GRIK4: variants seen among roughly 807,000 people sequenced by gnomAD.
The protein encoded by GRIK4 is glutamate receptor ionotropic, kainate 4.
Under a neutral mutation model 104.9 loss-of-function variants are expected in GRIK4, and 40 were observed. That is an observed-to-expected ratio of 0.38 (90% CI 0.30 to 0.50). The LOEUF (loss-of-function observed/expected upper bound fraction) is 0.50, where lower values mean the gene tolerates loss of function less well. GRIK4 is among the 20% of genes least tolerant of loss of function. The pLI, the probability that GRIK4 is intolerant of heterozygous loss-of-function variation, is 0.93. For synonymous variants in GRIK4, 485 were observed against 524.9 expected, an observed-to-expected ratio of 0.92 and a Z score of 1.04; for missense variants, 1,047 against 1,308.1, an observed-to-expected ratio of 0.80 and a Z score of 3.08.
chr11:120,637,486 A>G (rs1288994535), intron 1 of GRIK4, among the ~76,000 whole-genome samples: 2 of 152,132 alleles, frequency 1.3e-5, no homozygotes, highest in Non-Finnish European at 2.9e-5. Context: ...TGCATAACAA[A>G]TGTGCTGTAA....
intron 1 of GRIK4, among the ~76,000 whole-genome samples, chr11:120,591,302 A>G (rs1948729639): frequency 6.6e-6 from 1 of 151,820 alleles, no homozygotes; most frequent in South Asian, 2.1e-4. Context: ...GGGCTGGTGG[A>G]TGCCCCTTGA....
chr11:120,969,705 C>G (rs1318618101), intron 19 of GRIK4, among the ~76,000 whole-genome samples: 1 of 152,168 alleles, frequency 6.6e-6, no homozygotes, highest in African/African-American at 2.4e-5. Flanking sequence ...AGCGCCGTCT[C>G]TCCTCCATCT....
intron 3 of GRIK4, among the ~76,000 whole-genome samples, chr11:120,776,474 G>T (rs752557408): frequency 6.6e-5 from 10 of 152,240 alleles, no homozygotes; most frequent in Non-Finnish European, 1.5e-4. Flanking sequence ...CTCCATGTCT[G>T]CTGCAGTCTT....
chr11:120,665,031 GT>G (rs1388689081), intron 3 of GRIK4, among the ~76,000 whole-genome samples: 3 of 151,994 alleles, frequency 2.0e-5, no homozygotes, highest in Non-Finnish European at 4.4e-5. Context: ...TACTTAGTTG[GT>G]TTCCCCCCAA....
intron 3 of GRIK4, among the ~76,000 whole-genome samples, chr11:120,737,634 C>A (rs1951249454): frequency 6.6e-6 from 1 of 152,022 alleles, no homozygotes; most frequent in South Asian, 2.1e-4. Flanking sequence ...AGTTAGAAGA[C>A]ATAAAGTTTC....
intron 8 of GRIK4, among the ~76,000 whole-genome samples, chr11:120,859,692 A>G (rs546455233): frequency 1.7e-4 from 26 of 152,344 alleles, no homozygotes; most frequent in African/African-American, 6.3e-4. Context: ...TCCATTAGCC[A>G]TCTGCCCCCT....
At position 120,986,018 on chromosome 11, in the gene GRIK4, G is replaced by T. The variant is rs753094047; in HGVS notation, c.2629G>T (p.Glu877Ter). 1.3e-6 allele frequency: 2 copies of T among 1,526,652 alleles called. No homozygotes were observed. The highest frequency in any genetic ancestry group is 1.2e-5 in the South Asian group (1 of 81,990). The allele number at this position is 1,526,652 out of a possible 1,614,324, so 94.6% of individuals were successfully genotyped here. A position where few individuals can be genotyped will look rare whatever the true frequency, so the allele number is the denominator to read the frequency against. Residue 877 changes from glutamate (E) to a stop codon, truncating the protein, a stop_gained, in exon 21 of 21, where the codon GAG becomes TAG. Transcript: ENST00000527524. LOFTEE classifies it high-confidence loss of function. ...CCCGCCGCCCCGGCCCCCCATCCCC[G>T]AGGAGCGCCGACCGCGGGGCACGGC... ...AVPPPRPPIP[E>*]ERRPRGTATL...
At chr11:120,625,914 T>G (rs1949253328) in intron 1 of GRIK4, among the ~76,000 whole-genome samples, 1 of 152,114 alleles carries the variant, frequency 6.6e-6, no homozygotes, top group Non-Finnish European at 1.5e-5. Context: ...TCCCAGTCCC[T>G]CTTCTATTCA....
In GRIK4 at chr11:120,960,972, G is replaced by A. The variant is rs1944275115; in HGVS notation, c.1938G>A (p.Val646=). ...CCAACCTGGCAGCCTTCCTGACCGT[G>A]CAGCGCATGGATGTGCCCATTGAGT... is the stretch of plus-strand genomic sequence containing the variant. ...YTANLAAFLT[V]QRMDVPIESV... The change falls in exon 17 of 21, where the codon GTG becomes GTA. Residue 646 remains valine (V), a synonymous_variant. Coordinates refer to ENST00000527524, the MANE Select transcript of GRIK4 (RefSeq NM_014619.5). 6.2e-7 allele frequency: 1 copy of A among 1,613,916 alleles called. No homozygotes were observed. Among genetic ancestry groups the A allele is most frequent in the Admixed American group, 1.7e-5 (1 of 59,988 alleles).
chr11:120,542,162 G>A (rs1948044484), intron 1 of GRIK4, among the ~76,000 whole-genome samples: 1 of 152,194 alleles, frequency 6.6e-6, no homozygotes, highest in Non-Finnish European at 1.5e-5. Context: ...CACATATGTG[G>A]TCAACTAATC....
intron 1 of GRIK4, among the ~76,000 whole-genome samples, chr11:120,532,833 G>T (rs1031595530): frequency 7.9e-5 from 12 of 152,112 alleles, no homozygotes; most frequent in Non-Finnish European, 1.8e-4. Context: ...GATGCTTTGG[G>T]CTTCTCCTTG....
chr11:120,924,559 TGAA>T (rs1766292128), intron 13 of GRIK4, among the ~76,000 whole-genome samples: 1 of 124,894 alleles, frequency 8.0e-6, no homozygotes, highest in South Asian at 2.4e-4. Flanking sequence ...AGCGGCATCC[TGAA>T]GACCCCCTTG....
chr11:120,952,872 T>C lies in GRIK4; in HGVS notation c.1608T>C (p.Tyr536=), dbSNP rs374671215. Residue 536 remains tyrosine, a synonymous_variant, in exon 15 of 21, where the codon TAT becomes TAC. Coordinates refer to ENST00000527524, the MANE Select transcript of GRIK4 (RefSeq NM_014619.5). This position sits in a 1 kb window ranked among gnomAD's most constrained non-coding sequence, Gnocchi z 5.2. ...YRVHMGRKPG[Y]FSFLDPFSPG... Reference sequence around the variant, plus strand: ...ATTTCCAGGGACGCAAACCCGGCTATTTCTCCTTCCTGGACCCATTTTCTC... The same window carrying C: ...ATTTCCAGGGACGCAAACCCGGCTACTTCTCCTTCCTGGACCCATTTTCTC... 5.3e-4 allele frequency: 854 copies of C among 1,613,470 alleles called. 8 individuals carry two copies. In the South Asian group the frequency reaches 9.0e-3, roughly 17 times the overall value.
chr11:120,520,404 A>G (rs1947782706), intron 1 of GRIK4, among the ~76,000 whole-genome samples: 1 of 152,156 alleles, frequency 6.6e-6, no homozygotes, highest in Non-Finnish European at 1.5e-5. Flanking sequence ...CACTGGCAGT[A>G]TTGGGGAAGT....
At chr11:120,764,234 A>C (rs1466501126) in intron 3 of GRIK4, among the ~76,000 whole-genome samples, 2 of 152,068 alleles carry the variant, frequency 1.3e-5, no homozygotes, top group African/African-American at 2.4e-5. Context: ...TGTTGGTTTA[A>C]AGTCTGTTTT....
At chr11:120,781,634 G>A (rs1423366135) in intron 3 of GRIK4, among the ~76,000 whole-genome samples, 1 of 152,198 alleles carries the variant, frequency 6.6e-6, no homozygotes, top group Non-Finnish European at 1.5e-5. Context: ...TTGCAGGCAT[G>A]AGCCACCGTG....
intron 3 of GRIK4, among the ~76,000 whole-genome samples, chr11:120,701,117 A>G (rs1025113394): frequency 6.6e-5 from 10 of 152,342 alleles, no homozygotes; most frequent in African/African-American, 2.2e-4. Context: ...CTAAATCACC[A>G]AACAAAGCAT....
intron 12 of GRIK4, among the ~76,000 whole-genome samples, chr11:120,901,195 C>T (rs1012163939): frequency 2.0e-5 from 3 of 152,180 alleles, no homozygotes; most frequent in Non-Finnish European, 4.4e-5. Flanking sequence ...CCTTCAGCCA[C>T]TGCCCAGGCC....
At chr11:120,839,789 A>C (rs1006258751) in intron 8 of GRIK4, among the ~76,000 whole-genome samples, 2 of 152,234 alleles carry the variant, frequency 1.3e-5, no homozygotes, top group Non-Finnish European at 2.9e-5. Context: ...AAAGTGATTG[A>C]TTTAGGGCAT....
Sources: gnomAD v4.1 joint callset for allele counts (sites outside exome capture counted in the v4.1 genomes callset) on GRCh38, gnomAD v4.1.1 for gene constraint, Gnocchi (gnomAD v3.1) non-coding constraint, MANE v1.5 for transcripts, NCBI Gene and HGNC (gene_info 2026-07-23, HGNC 2026-07-21) for gene names.